ZMAT4: variants seen among roughly 807,000 people sequenced by gnomAD.
ZMAT4 encodes the protein zinc finger matrin-type protein 4.
ZMAT4 carries 17 observed loss-of-function variants against 28.7 expected under a neutral mutation model. The ratio of observed to expected loss-of-function variants is 0.59; its 90% CI spans 0.41 to 0.89. The LOEUF (loss-of-function observed/expected upper bound fraction) is 0.89. Ranked by LOEUF, ZMAT4 falls within the 40% of genes least tolerant of loss-of-function variation. The pLI, the probability that ZMAT4 is intolerant of heterozygous loss-of-function variation, is 0.00. For synonymous variants in ZMAT4, 117 were observed against 109.2 expected (o/e 1.07, Z -0.44); for missense variants, 240 against 283.8 (o/e 0.85, Z 1.11).
At chr8:40,881,433 G>GAAAGAAAGAA (rs1388374068) in intron 1 of ZMAT4, among the ~76,000 whole-genome samples, 3 of 70,314 alleles carry the variant, frequency 4.3e-5, no homozygotes, top group East Asian at 4.8e-4. Context: ...AGAAGAAAGA[G>GAAAGAAAGAA]AGAAAGAAAG....
chr8:40,799,469 T>C (rs1814747206), intron 2 of ZMAT4, among the ~76,000 whole-genome samples: 1 of 152,190 alleles, frequency 6.6e-6, no homozygotes, highest in African/African-American at 2.4e-5. Context: ...TATTCCAAAT[T>C]TAAAGATTTG....
chr8:40,877,749 G>A (rs1008934529), intron 1 of ZMAT4, among the ~76,000 whole-genome samples: 2 of 152,104 alleles, frequency 1.3e-5, no homozygotes, highest in African/African-American at 2.4e-5. Flanking sequence ...AGAGAAAGAC[G>A]GAGAGAGTTT....
intron 1 of ZMAT4, among the ~76,000 whole-genome samples, chr8:40,881,433 G>GAGAAAGAAAGAAAGAAAGAAAGAAAGAA (rs35018481): frequency 1.6e-4 from 11 of 70,228 alleles, no homozygotes; most frequent in African/African-American, 2.4e-4. Flanking sequence ...AGAAGAAAGA[G>GAGAAAGAAAGAAAGAAAGAAAGAAAGAA]AGAAAGAAAG....
intron 2 of ZMAT4, among the ~76,000 whole-genome samples, chr8:40,785,311 G>A (rs965156861): frequency 1.3e-5 from 2 of 152,066 alleles, no homozygotes; most frequent in South Asian, 2.1e-4. Context: ...TTTTCATTTC[G>A]GCAATTCATA....
intron 1 of ZMAT4, among the ~76,000 whole-genome samples, chr8:40,887,179 A>G (rs1818486498): frequency 6.7e-6 from 1 of 149,938 alleles, no homozygotes; most frequent in Admixed American, 6.6e-5. Flanking sequence ...TCAAAAAAAA[A>G]AAAAAAAAAA....
chr8:40,607,356 C>A (rs553905914), intron 5 of ZMAT4, among the ~76,000 whole-genome samples: 14 of 151,996 alleles, frequency 9.2e-5, no homozygotes, highest in Non-Finnish European at 1.5e-4. Flanking sequence ...TGGTCTCGAT[C>A]TCCTGACCTC....
intron 5 of ZMAT4, among the ~76,000 whole-genome samples, chr8:40,606,074 T>C (rs1805569572): frequency 6.6e-6 from 1 of 152,204 alleles, no homozygotes; most frequent in Non-Finnish European, 1.5e-5. Flanking sequence ...CTTATGTGTG[T>C]TCGATTAGTC....
intron 2 of ZMAT4, among the ~76,000 whole-genome samples, chr8:40,777,179 A>G (rs1813633676): frequency 6.6e-6 from 1 of 152,244 alleles, no homozygotes; most frequent in African/African-American, 2.4e-5. Flanking sequence ...AGCAATACTT[A>G]AAAACAAGAT....
At chr8:40,551,316 A>C (rs1487721980) in intron 6 of ZMAT4, among the ~76,000 whole-genome samples, 1 of 152,228 alleles carries the variant, frequency 6.6e-6, no homozygotes, top group African/African-American at 2.4e-5. Context: ...GCAAAAGAGA[A>C]AATATTTTCT....
chr8:40,649,135 G>T (rs1000242610), intron 5 of ZMAT4, among the ~76,000 whole-genome samples: 1 of 101,806 alleles, frequency 9.8e-6, no homozygotes, highest in Non-Finnish European at 2.4e-5. Flanking sequence ...CTGGCAAATT[G>T]GATAAAGAGT....
At chr8:40,794,103 G>T (rs1222360855) in intron 2 of ZMAT4, among the ~76,000 whole-genome samples, 1 of 151,724 alleles carries the variant, frequency 6.6e-6, no homozygotes, top group African/African-American at 2.4e-5. Context: ...TGTTTTTTTT[G>T]GAAATTTTTG....
At chr8:40,855,633 A>G (rs1284497285) in intron 1 of ZMAT4, among the ~76,000 whole-genome samples, 1 of 151,980 alleles carries the variant, frequency 6.6e-6, no homozygotes, top group Admixed American at 6.6e-5. Context: ...ACCTACAGGT[A>G]GCTCTGTTCC....
chr8:40,683,026 T>C (rs1013624568), intron 4 of ZMAT4, among the ~76,000 whole-genome samples: 1 of 152,114 alleles, frequency 6.6e-6, no homozygotes, highest in Admixed American at 6.6e-5. Flanking sequence ...GAGGCCAGAA[T>C]CTAAGGTCCA....
At chr8:40,852,008 T>A (rs1303202670) in intron 1 of ZMAT4, among the ~76,000 whole-genome samples, 1 of 152,286 alleles carries the variant, frequency 6.6e-6, no homozygotes, top group East Asian at 1.9e-4. Context: ...GTGATTTTCA[T>A]GCCTCAGCCT....
intron 3 of ZMAT4, among the ~76,000 whole-genome samples, chr8:40,745,329 T>C (rs1380962731): frequency 3.3e-5 from 5 of 152,114 alleles, no homozygotes; most frequent in Admixed American, 3.3e-4. Context: ...AAGTCTACAA[T>C]TGTGTGACCC....
chr8:40,866,674 T>C (rs571383844), intron 1 of ZMAT4, among the ~76,000 whole-genome samples: 2 of 152,246 alleles, frequency 1.3e-5, no homozygotes, highest in East Asian at 3.9e-4. Flanking sequence ...ACCTGCAAAA[T>C]GTGCAACCAA....
intron 1 of ZMAT4, among the ~76,000 whole-genome samples, chr8:40,889,356 A>G (rs957621894): frequency 6.6e-6 from 1 of 152,206 alleles, no homozygotes; most frequent in Non-Finnish European, 1.5e-5. Context: ...GGCATTTCAC[A>G]TCTTAGTGAA....
chr8:40,631,498 A>T (rs1366016723), intron 5 of ZMAT4, among the ~76,000 whole-genome samples: 1 of 103,144 alleles, frequency 9.7e-6, no homozygotes, highest in East Asian at 3.7e-4. Flanking sequence ...CAGAGTAGAC[A>T]CTAAGGCTTA....
intron 2 of ZMAT4, among the ~76,000 whole-genome samples, chr8:40,820,298 G>A (rs1815709342): frequency 6.6e-6 from 1 of 151,314 alleles, no homozygotes; most frequent in East Asian, 1.9e-4. Context: ...GTGTGTATGT[G>A]TGTGCGGGTG....
Sources: gnomAD v4.1 joint callset for allele counts (sites outside exome capture counted in the v4.1 genomes callset) on GRCh38, gnomAD v4.1.1 for gene constraint, MANE v1.5 for transcripts, NCBI Gene and HGNC (gene_info 2026-07-23, HGNC 2026-07-21) for gene names.